The following PHACTR1 variants were observed in gnomAD, a reference collection of about 807,000 sequenced individuals.
PHACTR1 encodes RPEL repeat containing 1.
In PHACTR1, 16 loss-of-function variants were observed where a neutral mutation model predicts 69.2. The observed-to-expected ratio is 0.23, with a 90% CI of 0.16 to 0.35. The LOEUF is 0.35. Among genes scored for constraint, PHACTR1 ranks in the 10% least tolerant of loss-of-function variants. The pLI is 1.00. For missense variants in PHACTR1, 510 were observed against 734.7 expected, an observed-to-expected ratio of 0.69 and a Z score of 3.54; for synonymous variants, 312 against 284.5, an observed-to-expected ratio of 1.10 and a Z score of -0.97.
intron 4 of PHACTR1, among the ~76,000 whole-genome samples, chr6:12,771,223 A>G (rs1241236114): frequency 6.6e-6 from 1 of 152,202 alleles, no homozygotes; most frequent in African/African-American, 2.4e-5. Flanking sequence ...AAATTAATTT[A>G]GGATTAAGAC....
At chr6:12,767,981 C>G (rs1228360485) in intron 4 of PHACTR1, among the ~76,000 whole-genome samples, 1 of 151,976 alleles carries the variant, frequency 6.6e-6, no homozygotes, top group Non-Finnish European at 1.5e-5. Flanking sequence ...GAAAGTGAGA[C>G]CTGGCGCATT....
chr6:12,805,887 C>A (rs1057391928), intron 4 of PHACTR1, among the ~76,000 whole-genome samples: 2 of 152,188 alleles, frequency 1.3e-5, no homozygotes, highest in African/African-American at 4.8e-5. Context: ...GGGCGTGAGC[C>A]ACCATGCCCG....
intron 8 of PHACTR1, among the ~76,000 whole-genome samples, chr6:13,220,857 A>G (rs1768496543): frequency 6.6e-6 from 1 of 152,210 alleles, no homozygotes; most frequent in Admixed American, 6.5e-5. Context: ...CAACTTATCC[A>G]TCAGTTCCAA....
intron 3 of PHACTR1, among the ~76,000 whole-genome samples, chr6:12,732,211 A>G (rs1217607617): frequency 1.3e-5 from 2 of 152,182 alleles, no homozygotes; most frequent in African/African-American, 4.8e-5. Context: ...GGCAAACAAC[A>G]AAACAAAACT....
intron 3 of PHACTR1, among the ~76,000 whole-genome samples, chr6:12,742,444 C>T (rs1380837672): frequency 6.6e-6 from 1 of 152,074 alleles, no homozygotes; most frequent in Non-Finnish European, 1.5e-5. Context: ...TGGTTGCCAT[C>T]TTGGTTTTGG....
chr6:13,276,487 C>T (rs1056470170), intron 11 of PHACTR1, among the ~76,000 whole-genome samples: 3 of 149,186 alleles, frequency 2.0e-5, no homozygotes, highest in Non-Finnish European at 3.0e-5. Context: ...AGACCTGTCC[C>T]AAGGCCGGGC....
At chr6:13,194,766 C>T (rs1764136639) in intron 7 of PHACTR1, among the ~76,000 whole-genome samples, 1 of 152,176 alleles carries the variant, frequency 6.6e-6, no homozygotes, top group Non-Finnish European at 1.5e-5. Flanking sequence ...CCATGAATAT[C>T]TACAATTATT....
chr6:13,210,487 G>A (rs911192078), intron 8 of PHACTR1, among the ~76,000 whole-genome samples: 1 of 152,138 alleles, frequency 6.6e-6, no homozygotes, highest in Non-Finnish European at 1.5e-5. Context: ...TAGGCAGTGG[G>A]GTCCGAGCTG....
chr6:12,789,870 C>T (rs978545510), intron 4 of PHACTR1, among the ~76,000 whole-genome samples: 1 of 151,416 alleles, frequency 6.6e-6, no homozygotes, highest in Non-Finnish European at 1.5e-5. Flanking sequence ...TGGTGTGCTG[C>T]ACCCATCAAC....
Position 13,206,056 on chromosome 6 carries a change from C to T in PHACTR1, c.906C>T (p.Ser302=), listed in dbSNP as rs751239740. 6.2e-7 allele frequency: 1 copy of T among 1,613,894 alleles called. No homozygotes were observed. Among genetic ancestry groups the T allele is most frequent in the Non-Finnish European group, 8.5e-7 (1 of 1,179,882 alleles). ...AGCACCTCCCCTCCACCACCGGCTC[C>T]CTCCCCATGCACCCCTCGGGCTGCA... is the stretch of plus-strand genomic sequence containing the variant. ...HGQHLPSTTG[S]LPMHPSGCRM... The change falls in exon 8 of 15, where the codon TCC becomes TCT. Residue 302 remains serine, a synonymous_variant. Transcript: ENST00000332995.
At chr6:12,969,063 C>T (rs1793852902) in intron 4 of PHACTR1, among the ~76,000 whole-genome samples, 1 of 152,150 alleles carries the variant, frequency 6.6e-6, no homozygotes, top group Non-Finnish European at 1.5e-5. Flanking sequence ...CTTGGAGAAA[C>T]AAGGTTCTAG....
chr6:12,958,135 C>A, intron 4 of PHACTR1: 1 of 706,062 alleles, frequency 1.4e-6, no homozygotes, highest in Non-Finnish European at 1.7e-6. Flanking sequence ...GAGAATTTTC[C>A]TTTGATGGAG....
At chr6:12,939,193 A>C (rs1443455743) in intron 4 of PHACTR1, among the ~76,000 whole-genome samples, 1 of 152,214 alleles carries the variant, frequency 6.6e-6, no homozygotes, top group Admixed American at 6.5e-5. Flanking sequence ...ATAATGAGTA[A>C]CCATTGGAAA....
At chr6:13,162,742 T>C (rs191660290) in intron 6 of PHACTR1, among the ~76,000 whole-genome samples, 1 of 152,134 alleles carries the variant, frequency 6.6e-6, no homozygotes, top group Non-Finnish European at 1.5e-5. Context: ...AGTCACAAAC[T>C]GTTGGAGCAA....
intron 4 of PHACTR1, among the ~76,000 whole-genome samples, chr6:12,896,631 T>A (rs1784698086): frequency 6.6e-6 from 1 of 152,186 alleles, no homozygotes; most frequent in African/African-American, 2.4e-5. Context: ...AGATTCTAGT[T>A]AATAATAAAA....
At chr6:12,793,488 T>C (rs1444839316) in intron 4 of PHACTR1, among the ~76,000 whole-genome samples, 1 of 152,220 alleles carries the variant, frequency 6.6e-6, no homozygotes, top group East Asian at 1.9e-4. Flanking sequence ...GATGTTGTTC[T>C]TTATGCTTCA....
chr6:13,060,294 G>T (rs1807479244), intron 5 of PHACTR1, among the ~76,000 whole-genome samples: 1 of 152,214 alleles, frequency 6.6e-6, no homozygotes, highest in Non-Finnish European at 1.5e-5. Context: ...TGAGAAGTTG[G>T]TAGGAGCTGG....
At chr6:13,166,677 C>T (rs756096753) in intron 6 of PHACTR1, among the ~76,000 whole-genome samples, 2 of 151,956 alleles carry the variant, frequency 1.3e-5, no homozygotes, top group Admixed American at 6.6e-5. Context: ...TGCCAAATGC[C>T]CTACTTTCAG....
chr6:12,729,682 G>A (rs1763243996), intron 3 of PHACTR1, among the ~76,000 whole-genome samples: 1 of 152,162 alleles, frequency 6.6e-6, no homozygotes, highest in Non-Finnish European at 1.5e-5. Flanking sequence ...ATGTTATCAG[G>A]TCTGCTTTTA....
Sources: gnomAD v4.1 joint callset for allele counts (sites outside exome capture counted in the v4.1 genomes callset) on GRCh38, gnomAD v4.1.1 for gene constraint, MANE v1.5 for transcripts, NCBI Gene and HGNC (gene_info 2026-07-23, HGNC 2026-07-21) for gene names.